WDR36: variants seen among roughly 807,000 people sequenced by gnomAD.
WDR36 encodes the protein WD repeat-containing protein 36.
WDR36 carries 63 observed loss-of-function variants against 112.7 expected under a neutral mutation model. The ratio of observed to expected loss-of-function variants is 0.56; its 90% confidence interval spans 0.46 to 0.69. The LOEUF (loss-of-function observed/expected upper bound fraction) is 0.69. WDR36 is among the 30% of genes least tolerant of loss of function. The probability of loss-of-function intolerance (pLI) is 0.00; values close to 1 mark genes in which losing one functional copy is unlikely to be tolerated. For missense variants in WDR36, 1,226 were observed against 1,070.3 expected (o/e 1.15, Z -2.03); for synonymous variants, 410 against 362.2 (o/e 1.13, Z -1.50).
Position 111,123,692 on chromosome 5 carries a change from G to A in WDR36, c.2149-113G>A, listed in dbSNP as rs148889129. On this transcript the variant is annotated intron_variant, in intron 19 of 22. Transcript: ENST00000513710. ...TATTTTAACATTCTTATGTGAAAGAGTTTCATTCCTCTTTTACTTTTTGGT... is the reference window on the plus strand; with the variant it reads ...TATTTTAACATTCTTATGTGAAAGAATTTCATTCCTCTTTTACTTTTTGGT... 2.3e-5 allele frequency: 31 copies of A among 1,376,076 alleles called. No individual in the cohort carries two copies. The South Asian group carries it at 3.6e-4, about 16-fold the overall frequency. The allele number at this position is 1,376,076 out of a possible 1,614,324, so 85.2% of individuals were successfully genotyped here.
rs958257567 is a variant in WDR36 at position 111,108,093 on chromosome 5, A to G, written c.1326+654A>G. Among the ~76,000 whole-genome samples, 6 of 151,536 alleles carry G rather than the reference A, an allele frequency of 4.0e-5. No individual in the cohort carries two copies. In the South Asian group the frequency reaches 1.0e-3, roughly 26 times the overall value. On this transcript the variant is annotated intron_variant, in intron 12 of 22. Transcript: ENST00000513710. The stretch of plus-strand genomic sequence containing the variant: ...TCAGTTTGAGTGTTGTCTCTGATCT[A>G]TGAACATGGGGTGTTTTTCCATTTG...
In WDR36 at chr5:111,092,672, ACT is replaced by A. The variant is rs1480710448; in HGVS notation, c.162+57_162+58del. On this transcript the variant is annotated intron_variant, in intron 1 of 22. Transcript: ENST00000513710. ...GGAAAACCACCCTCCTTGGCCTCTA[ACT>A]CTGTCCTGGAGCAGTCCGGTTCTCC... 8 of 1,564,638 alleles carry A rather than the reference ACT, an allele frequency of 5.1e-6. No individual in the cohort carries two copies. The East Asian group carries it at 6.8e-5, about 13-fold the overall frequency.
chr5:111,121,182 A>G (rs1176840308), intron 19 of WDR36, 41 bp downstream of exon 19: 1 of 1,609,860 alleles, frequency 6.2e-7, no homozygotes, highest in Non-Finnish European at 8.5e-7. Context: ...GCATGCATCC[A>G]GAAGCATTTT....
Position 111,114,657 on chromosome 5 carries a change from A to G in WDR36, c.1796+1504A>G, listed in dbSNP as rs561994976. Among the ~76,000 whole-genome samples the G allele has an allele frequency of 2.6e-5, 4 of 152,312 alleles. No individual in the cohort carries two copies. The East Asian group carries it at 5.8e-4, about 22-fold the overall frequency. On this transcript the variant is annotated intron_variant, in intron 16 of 22. Transcript: ENST00000513710. Reference sequence around the variant, plus strand: ...ATTGACTGTATCCTCCTCAGGCTTCAGAAAGTTCACTTAAAGTTGGTATTT... The same window carrying G: ...ATTGACTGTATCCTCCTCAGGCTTCGGAAAGTTCACTTAAAGTTGGTATTT...
intron 4 of WDR36, among the ~76,000 whole-genome samples, chr5:111,099,459 TTTTG>T (rs1301708110): frequency 6.2e-5 from 4 of 64,592 alleles, no homozygotes; most frequent in African/African-American, 3.3e-4. Flanking sequence ...TTGTTTTTTT[TTTTG>T]TTTTTTTTTT....
chr5:111,110,149 TGTTA>T, intron 12 of WDR36, 36 bp from the exon 13 acceptor site: 1 of 1,398,264 alleles, frequency 7.2e-7, no homozygotes. Context: ...GCAATAAAAA[TGTTA>T]GTTATTTTGT....
At chr5:111,098,333 A>C (rs191224565) in intron 3 of WDR36, among the ~76,000 whole-genome samples, 1 of 152,178 alleles carries the variant, frequency 6.6e-6, no homozygotes, top group African/African-American at 2.4e-5. Flanking sequence ...TCTGAAAGCC[A>C]GTTGGTGATG....
At chr5:111,103,983 A>G in intron 7 of WDR36, 65 bp downstream of exon 7, 2 of 1,586,254 alleles carry the variant, frequency 1.3e-6, no homozygotes, top group Non-Finnish European at 8.6e-7. Context: ...TTAAAAGTCA[A>G]TTTTTTTTGT....
At chr5:111,092,695 T>G (rs1752892260) in intron 1 of WDR36, 77 bp downstream of exon 1, 9 of 1,484,066 alleles carry the variant, frequency 6.1e-6, no homozygotes, top group Non-Finnish European at 8.2e-6. Context: ...GCAGTCCGGT[T>G]CTCCCTTCCC....
In WDR36 at chr5:111,121,041, T is replaced by C. The variant is rs749343283; in HGVS notation, c.2048T>C (p.Ile683Thr). 6 of 1,613,546 alleles carry C rather than the reference T, an allele frequency of 3.7e-6. No individual in the cohort carries two copies. The highest frequency in any genetic ancestry group is 4.2e-6 in the Non-Finnish European group (5 of 1,179,620). ...ACAGTAGAACCAAGTGATGAATTGA[T>C]AGAATATGATTCGCCAGAACAGTTG... Reference protein sequence around the residue: ...EETVEPSDELIEYDSPEQLNE... With the variant: ...EETVEPSDELTEYDSPEQLNE... The change falls in exon 19 of 23, where the codon ATA (isoleucine) becomes ACA (threonine). Residue 683 changes from isoleucine to threonine, a missense_variant. Coordinates refer to ENST00000513710, the MANE Select transcript of WDR36 (RefSeq NM_139281.3).
At position 111,098,712 on chromosome 5, in the gene WDR36, G is replaced by A. The variant is rs371323523; in HGVS notation, c.292-10G>A. On this transcript the variant is annotated splice_polypyrimidine_tract_variant and intron_variant, in intron 3 of 22. Coordinates refer to ENST00000513710, the MANE Select transcript of WDR36 (RefSeq NM_139281.3). ...ATAATATGAAATTCTTTTAAACTTC[G>A]ATGTTTTAGATAGTACATACCTTTA... 1.3e-5 allele frequency: 19 copies of A among 1,516,090 alleles called. No individual in the cohort carries two copies. Among genetic ancestry groups the A allele is most frequent in the African/African-American group, 1.1e-4 (8 of 72,782 alleles). 93.9% of individuals were successfully genotyped at this position (1,516,090 alleles called of 1,614,324 possible).
chr5:111,105,153 A>G (rs924145806), intron 9 of WDR36, 142 bp from the exon 10 acceptor site: 4 of 810,722 alleles, frequency 4.9e-6, no homozygotes, highest in Non-Finnish European at 4.0e-6. Context: ...ATTTTAATGA[A>G]GTAGTTGCAA....
intron 3 of WDR36, among the ~76,000 whole-genome samples, 167 bp from the exon 4 acceptor site, chr5:111,098,555 C>G (rs1488408063): frequency 6.6e-6 from 1 of 152,106 alleles, no homozygotes; most frequent in Non-Finnish European, 1.5e-5. Context: ...ATGAACATGC[C>G]TGGTCCCTTA....
intron 3 of WDR36, among the ~76,000 whole-genome samples, chr5:111,098,407 T>C (rs756663328): frequency 1.3e-5 from 2 of 152,142 alleles, no homozygotes; most frequent in Non-Finnish European, 2.9e-5. Context: ...GTTGCACTGA[T>C]TGAATTGGGT....
At position 111,103,968 on chromosome 5, in the gene WDR36, T is replaced by G. The variant is rs767501778; in HGVS notation, c.730+50T>G. On this transcript the variant is annotated intron_variant, in intron 7 of 22. Coordinates refer to ENST00000513710, the MANE Select transcript of WDR36 (RefSeq NM_139281.3). The stretch of plus-strand genomic sequence containing the variant: ...AGGAGTTAAGAACACTTAAAATTCA[T>G]TACTTTAAAAGTCAATTTTTTTTGT... 4 of 1,603,362 alleles carry G rather than the reference T, an allele frequency of 2.5e-6. No homozygotes were observed. In the African/African-American group the frequency reaches 5.4e-5, roughly 22 times the overall value.
At chr5:111,121,935 G>A (rs1229742406) in intron 19 of WDR36, among the ~76,000 whole-genome samples, 2 of 152,106 alleles carry the variant, frequency 1.3e-5, no homozygotes, top group South Asian at 2.1e-4. Context: ...TCACAGTATG[G>A]GCTGTGGTAA....
chr5:111,106,207 G>C, intron 11 of WDR36, 64 bp downstream of exon 11: 4 of 1,381,720 alleles, frequency 2.9e-6, no homozygotes, highest in East Asian at 2.3e-5. Flanking sequence ...ACTGTATGCT[G>C]TTTTATTTTC....
Position 111,110,337 on chromosome 5 carries a change from T to C in WDR36, c.1441+34T>C, listed in dbSNP as rs369093996. The C allele has an allele frequency of 1.0e-4, 157 of 1,513,946 alleles. 1 individual carries two copies. In the African/African-American group the frequency reaches 2.1e-3, roughly 20 times the overall value. 93.8% of individuals were successfully genotyped at this position (1,513,946 alleles called of 1,614,324 possible). A position where few individuals can be genotyped will look rare whatever the true frequency, so the allele number is the denominator to read the frequency against. Reference sequence around the variant, plus strand: ...TTTTTTTCCTTGTTTTTTATTAATGTAGATAGATACAAAACTAGTAGTGAA... The same window carrying C: ...TTTTTTTCCTTGTTTTTTATTAATGCAGATAGATACAAAACTAGTAGTGAA... On this transcript the variant is annotated intron_variant, in intron 13 of 22. Coordinates refer to ENST00000513710, the MANE Select transcript of WDR36 (RefSeq NM_139281.3).
rs202195289 is a variant in WDR36 at position 111,103,875 on chromosome 5, T to C, written c.687T>C (p.Phe229=). ...NIKFNETLMK[F]RQDWGPITSI... ...AATTTAATGAAACATTAATGAAGTT[T>C]CGTCAAGACTGGGGACCCATTACTT... Residue 229 remains phenylalanine, a synonymous_variant, in exon 7 of 23, where the codon TTT becomes TTC. Coordinates refer to ENST00000513710, the MANE Select transcript of WDR36 (RefSeq NM_139281.3). The C allele has an allele frequency of 9.9e-6, 16 of 1,611,410 alleles. No individual in the cohort carries two copies. Among genetic ancestry groups the C allele is most frequent in the Admixed American group, 1.7e-5 (1 of 59,732 alleles).
Sources: gnomAD v4.1 joint callset for allele counts (sites outside exome capture counted in the v4.1 genomes callset) on GRCh38, gnomAD v4.1.1 for gene constraint, MANE v1.5 for transcripts, NCBI Gene and HGNC (gene_info 2026-07-23, HGNC 2026-07-21) for gene names.